CAPN3: variants seen among roughly 807,000 people sequenced by gnomAD.
CAPN3 encodes calpain 3, also known as calpain-3.
A neutral mutation model predicts 114.0 loss-of-function variants in CAPN3; 88 were observed. The ratio of observed to expected loss-of-function variants is 0.77; its 90% CI spans 0.65 to 0.92. The LOEUF (loss-of-function observed/expected upper bound fraction) is 0.92, where lower values mean the gene tolerates loss of function less well. Among genes scored for constraint, CAPN3 ranks in the 40% least tolerant of loss-of-function variants. The pLI is 0.00. For synonymous variants in CAPN3, 386 were observed against 382.9 expected (o/e 1.01, Z -0.09); for missense variants, 1,028 against 1,069.0 (o/e 0.96, Z 0.53).
At chr15:42,361,288 A>G (rs1274244210) in intron 1 of CAPN3, among the ~76,000 whole-genome samples, 2 of 152,212 alleles carry the variant, frequency 1.3e-5, no homozygotes, top group Non-Finnish European at 2.9e-5. Flanking sequence ...CAACAGGGTG[A>G]AAACCTATCT....
intron 7 of CAPN3, among the ~76,000 whole-genome samples, chr15:42,393,047 C>T (rs950354736): frequency 2.0e-5 from 3 of 152,204 alleles, no homozygotes; most frequent in Admixed American, 6.5e-5. Context: ...CCTGTTCTCT[C>T]GTGTTCAGAT....
Position 42,408,323 on chromosome 15 carries a change from A to ATGCCCAGACACCTGTGG in CAPN3, c.1913_1914insTGCCCAGACACCTGTGG (p.Gln638HisfsTer30). ...CCTGATAAGCAAAAGCAGTCCCCAC[A>ATGCCCAGACACCTGTGG]GGTGTCTGGGCATGTGGCATGGGTG... On this transcript the variant is annotated frameshift_variant and splice_region_variant, in exon 16 of 24. Coordinates refer to ENST00000397163, the MANE Select transcript of CAPN3 (RefSeq NM_000070.3). LOFTEE classifies it high-confidence loss of function. 6.2e-7 allele frequency: 1 copy of ATGCCCAGACACCTGTGG among 1,605,378 alleles called. No homozygotes were observed. Among genetic ancestry groups the ATGCCCAGACACCTGTGG allele is most frequent in the Non-Finnish European group, 8.5e-7 (1 of 1,172,236 alleles).
At chr15:42,408,512 C>G (rs2054095725) in intron 16 of CAPN3, 188 bp downstream of exon 16, 1 of 596,018 alleles carries the variant, frequency 1.7e-6, no homozygotes, top group African/African-American at 1.8e-5. Flanking sequence ...GGTGAATATC[C>G]CAGGATGGGG....
chr15:42,385,898 T>G, intron 2 of CAPN3: 1 of 673,200 alleles, frequency 1.5e-6, no homozygotes, highest in Non-Finnish European at 2.8e-6. Flanking sequence ...GGAAGTGAGT[T>G]TATACTGCAG....
At chr15:42,374,985 A>AAATT (rs1279449848) in intron 1 of CAPN3, among the ~76,000 whole-genome samples, 6 of 129,844 alleles carry the variant, frequency 4.6e-5, no homozygotes, top group Non-Finnish European at 1.0e-4. Context: ...GTTTAAATAA[A>AAATT]AATTTATTTA....
Position 42,405,934 on chromosome 15 carries a change from A to G in CAPN3, c.1791A>G (p.Lys597=), listed in dbSNP as rs112606316. Reference sequence around the variant, plus strand: ...TTCCTTTTCTTATGCAGAAAAAGAAAAAAACCAAGGTAGGTGTGTGGGTAG... The same window carrying G: ...TTCCTTTTCTTATGCAGAAAAAGAAGAAAACCAAGGTAGGTGTGTGGGTAG... The part of the protein sequence containing the change: ...TISVDRPVKK[K]KTKPIIFVSD... Residue 597 remains lysine, a synonymous_variant, in exon 15 of 24, where the codon AAA becomes AAG. Coordinates refer to ENST00000397163, the MANE Select transcript of CAPN3 (RefSeq NM_000070.3). The G allele has an allele frequency of 1.2e-6, 2 of 1,612,530 alleles. No homozygotes were observed. Among genetic ancestry groups the G allele is most frequent in the Non-Finnish European group, 1.7e-6 (2 of 1,178,534 alleles).
chr15:42,373,147 C>G (rs554342823), intron 1 of CAPN3, among the ~76,000 whole-genome samples: 1 of 152,228 alleles, frequency 6.6e-6, no homozygotes. Flanking sequence ...GAGCCGAGAT[C>G]ATGCCACCGC....
intron 1 of CAPN3, among the ~76,000 whole-genome samples, chr15:42,368,754 C>T (rs938360972): frequency 6.6e-6 from 1 of 152,154 alleles, no homozygotes; most frequent in African/African-American, 2.4e-5. Context: ...TGAAACAATG[C>T]TCTATTAAGA....
At chr15:42,387,075 ATATT>A (rs2053426373) in intron 3 of CAPN3, among the ~76,000 whole-genome samples, 1 of 152,170 alleles carries the variant, frequency 6.6e-6, no homozygotes, top group African/African-American at 2.4e-5. Context: ...GGAACATGGC[ATATT>A]TAAAGGGTCT....
chr15:42,381,561 G>A (rs916831281), intron 1 of CAPN3, among the ~76,000 whole-genome samples: 8 of 151,908 alleles, frequency 5.3e-5, no homozygotes, highest in African/African-American at 1.9e-4. Context: ...TTTTTTCTGA[G>A]ACAGAGTCTC....
intron 19 of CAPN3, among the ~76,000 whole-genome samples, 181 bp from the exon 20 acceptor site, chr15:42,410,247 C>G (rs28364535): frequency 6.6e-6 from 1 of 152,114 alleles, no homozygotes; most frequent in African/African-American, 2.4e-5. Context: ...AAAAGTGGTC[C>G]TTAGGAGAGC....
chr15:42,382,435 C>A (rs1372898202), intron 1 of CAPN3, among the ~76,000 whole-genome samples: 3 of 152,122 alleles, frequency 2.0e-5, no homozygotes, highest in African/African-American at 7.2e-5. Context: ...GTGGTGCAAT[C>A]TTGGCTCACG....
chr15:42,403,913 TGG>T (rs1161716942), intron 14 of CAPN3, 136 bp downstream of exon 14: 1 of 835,638 alleles, frequency 1.2e-6, no homozygotes, highest in East Asian at 2.5e-5. Flanking sequence ...AGTCCCTCCT[TGG>T]CACTGCAAAT....
At chr15:42,371,304 C>T (rs776913849) in intron 1 of CAPN3, among the ~76,000 whole-genome samples, 1 of 152,096 alleles carries the variant, frequency 6.6e-6, no homozygotes, top group Non-Finnish European at 1.5e-5. Context: ...GCAGCTCCTC[C>T]TGGGGGTCAT....
chr15:42,401,487 C>A (rs993651361), intron 10 of CAPN3, among the ~76,000 whole-genome samples, 154 bp from the exon 11 acceptor site: 7 of 103,596 alleles, frequency 6.8e-5, no homozygotes, highest in Admixed American at 6.0e-4. Flanking sequence ...CCCCCCCCCC[C>A]AAATCATTAG....
intron 1 of CAPN3, among the ~76,000 whole-genome samples, chr15:42,381,563 C>T (rs181921843): frequency 2.3e-4 from 35 of 152,222 alleles, no homozygotes; most frequent in Admixed American, 9.2e-4. Context: ...TTTTCTGAGA[C>T]AGAGTCTCAC....
intron 1 of CAPN3, among the ~76,000 whole-genome samples, chr15:42,366,831 T>TTTC (rs1566968214): frequency 1.4e-5 from 2 of 143,086 alleles, no homozygotes; most frequent in South Asian, 2.2e-4. Context: ...TTTTTTTCTT[T>TTTC]TTTTTTTTCT....
chr15:42,386,314 G>A, intron 3 of CAPN3, 29 bp downstream of exon 3: 1 of 1,491,530 alleles, frequency 6.7e-7, no homozygotes, highest in Non-Finnish European at 9.4e-7. Context: ...AGTTAAGAGG[G>A]CCAGCGGCAG....
intron 1 of CAPN3, among the ~76,000 whole-genome samples, chr15:42,377,697 G>A (rs558093023): frequency 6.6e-6 from 1 of 152,166 alleles, no homozygotes; most frequent in Non-Finnish European, 1.5e-5. Context: ...GAGTTAGGAA[G>A]TGTTCCCTCT....
Sources: allele counts gnomAD v4.1 joint callset (sites outside exome capture counted in the v4.1 genomes callset), GRCh38; gene constraint gnomAD v4.1.1; transcripts MANE v1.5; gene names NCBI Gene and HGNC (gene_info 2026-07-23, HGNC 2026-07-21).